LDLRAD4: variants seen among roughly 807,000 people sequenced by gnomAD.
LDLRAD4 encodes the protein low density lipoprotein receptor class A domain containing 4, also known as low-density lipoprotein receptor class A domain-containing protein 4.
LDLRAD4 carries 5 observed loss-of-function variants against 17.0 expected under a neutral mutation model. The ratio of observed to expected loss-of-function variants is 0.29; its 90% CI spans 0.15 to 0.62. The LOEUF is 0.62. Ranked by LOEUF, LDLRAD4 falls within the 20% of genes least tolerant of loss-of-function variation. The pLI is 0.84. For missense variants in LDLRAD4, 340 were observed against 424.7 expected (o/e 0.80, Z 1.75); for synonymous variants, 168 against 171.8 (o/e 0.98, Z 0.17).
chr18:13,236,440 G>C (rs2042343225), intron 1 of LDLRAD4: 2 of 151,834 alleles, frequency 1.3e-5, no homozygotes, highest in Admixed American at 6.6e-5. Flanking sequence ...CTCCTGAGTA[G>C]CTGGGATTAC....
At chr18:13,382,330 C>G (rs2085431351) in intron 1 of LDLRAD4, among the ~76,000 whole-genome samples, 1 of 152,118 alleles carries the variant, frequency 6.6e-6, no homozygotes, top group Non-Finnish European at 1.5e-5. Context: ...GTTTGTATTC[C>G]TGAATGACTC....
At chr18:13,327,445 C>T (rs2081596360) in intron 1 of LDLRAD4, among the ~76,000 whole-genome samples, 1 of 152,016 alleles carries the variant, frequency 6.6e-6, no homozygotes, top group South Asian at 2.1e-4. Flanking sequence ...TGAGAAAATG[C>T]CATCAGAATA....
At chr18:13,245,069 T>TG (rs571714813) in intron 1 of LDLRAD4, among the ~76,000 whole-genome samples, 1 of 152,008 alleles carries the variant, frequency 6.6e-6, no homozygotes, top group Non-Finnish European at 1.5e-5. Context: ...CTCTGTTTGG[T>TG]GGGGGGCATG....
exon 1 of LDLRAD4, chr18:13,278,161 T>G (rs1397087957): frequency 6.6e-6 from 1 of 152,192 alleles, no homozygotes; most frequent in Non-Finnish European, 1.5e-5. Flanking sequence ...TTCCGAGAAC[T>G]CCCATCAGTT....
rs150007502 is a variant in LDLRAD4 at position 13,426,831 on chromosome 18, G to T, written c.41-11413G>T. On this transcript the variant is annotated intron_variant, in intron 2 of 5. Transcript: ENST00000359446. ...AAAATTCTGGTGTGGGTTGGTTGAAGAATACAGGGAACATGGGTGTTTATG... is the reference window on the plus strand; with the variant it reads ...AAAATTCTGGTGTGGGTTGGTTGAATAATACAGGGAACATGGGTGTTTATG... 2.2e-4 allele frequency among the ~76,000 whole-genome samples: 34 copies of T among 152,332 alleles called. No homozygotes were observed. The East Asian group carries it at 4.8e-3, about 22-fold the overall frequency.
intron 3 of LDLRAD4, among the ~76,000 whole-genome samples, chr18:13,467,317 A>G (rs2092650691): frequency 6.6e-6 from 1 of 152,264 alleles, no homozygotes; most frequent in South Asian, 2.1e-4. Flanking sequence ...AACAACATCA[A>G]CATGCAAAAA....
intron 3 of LDLRAD4, among the ~76,000 whole-genome samples, chr18:13,454,595 C>A (rs1351959535): frequency 6.6e-6 from 1 of 152,232 alleles, no homozygotes; most frequent in Non-Finnish European, 1.5e-5. Context: ...CAGAGGCTAT[C>A]TGCTTACAGG....
At chr18:13,602,189 GAA>G (rs1178611427) in intron 3 of LDLRAD4, among the ~76,000 whole-genome samples, 2 of 152,176 alleles carry the variant, frequency 1.3e-5, no homozygotes, top group East Asian at 3.8e-4. Flanking sequence ...GGAAAGGGCT[GAA>G]AAACTTCCTA....
At chr18:13,465,605 G>A (rs936727782) in intron 3 of LDLRAD4, among the ~76,000 whole-genome samples, 1 of 152,196 alleles carries the variant, frequency 6.6e-6, no homozygotes, top group Admixed American at 6.5e-5. Context: ...CCCTGGGCAT[G>A]CCCTCATTGG....
intron 3 of LDLRAD4, among the ~76,000 whole-genome samples, chr18:13,454,212 CAG>C (rs2092000216): frequency 6.6e-6 from 1 of 152,176 alleles, no homozygotes; most frequent in African/African-American, 2.4e-5. Context: ...GCAATGATAA[CAG>C]GGTGCAGTCG....
intron 1 of LDLRAD4, among the ~76,000 whole-genome samples, chr18:13,303,686 C>A (rs184190535): frequency 8.9e-4 from 135 of 152,144 alleles, no homozygotes; most frequent in Middle Eastern, 3.4e-3. Context: ...TGAGCTAAAT[C>A]TTTTAAATGA....
intron 1 of LDLRAD4, among the ~76,000 whole-genome samples, chr18:13,312,042 A>G (rs2087797143): frequency 1.3e-5 from 2 of 151,900 alleles, no homozygotes; most frequent in Non-Finnish European, 2.9e-5. Flanking sequence ...TCACCGTGTT[A>G]GCCAGGATGG....
chr18:13,498,861 T>C (rs1390841443), intron 3 of LDLRAD4, among the ~76,000 whole-genome samples: 2 of 139,696 alleles, frequency 1.4e-5, no homozygotes, highest in Middle Eastern at 4.6e-3. Flanking sequence ...CACTGGAGAA[T>C]CCTTCTCGCC....
At chr18:13,360,500 A>C (rs112421528) in intron 1 of LDLRAD4, among the ~76,000 whole-genome samples, 2,041 of 152,218 alleles carry the variant, frequency 0.013, 30 homozygotes, top group Middle Eastern at 0.034. Flanking sequence ...ATCAACACTA[A>C]AAAAAGTATG....
At chr18:13,294,228 A>T (rs926144662) in intron 1 of LDLRAD4, among the ~76,000 whole-genome samples, 1 of 152,222 alleles carries the variant, frequency 6.6e-6, no homozygotes, top group Non-Finnish European at 1.5e-5. Flanking sequence ...AGAAGTGTGC[A>T]TGGGAAGTGC....
intron 3 of LDLRAD4, among the ~76,000 whole-genome samples, chr18:13,469,116 T>C (rs1381638865): frequency 2.7e-5 from 4 of 150,830 alleles, no homozygotes; most frequent in Admixed American, 2.0e-4. Flanking sequence ...CAATGACCAA[T>C]AAACAAATGA....
chr18:13,426,129 GATTTGTTGTT>G (rs2089915808), intron 2 of LDLRAD4: 1 of 152,680 alleles, frequency 6.5e-6, no homozygotes, highest in South Asian at 2.1e-4. Context: ...CAGAAAGACA[GATTTGTTGTT>G]AATTTTGGAA....
At chr18:13,652,145 G>A (rs2043272071) in exon 6 of LDLRAD4, 1 of 152,164 alleles carries the variant, frequency 6.6e-6, no homozygotes, top group African/African-American at 2.4e-5. Flanking sequence ...CAACCTTGTG[G>A]GAGAACTGTT....
At chr18:13,297,689 A>G (rs2046349996) in intron 1 of LDLRAD4, among the ~76,000 whole-genome samples, 1 of 152,190 alleles carries the variant, frequency 6.6e-6, no homozygotes, top group African/African-American at 2.4e-5. Context: ...ACTCCCAGCT[A>G]CTTGGGAGGC....
Sources: gnomAD v4.1 joint callset for allele counts (sites outside exome capture counted in the v4.1 genomes callset) on GRCh38, gnomAD v4.1.1 for gene constraint, MANE v1.5 for transcripts, NCBI Gene and HGNC (gene_info 2026-07-23, HGNC 2026-07-21) for gene names.